L3MBTL4: variants seen among roughly 807,000 people sequenced by gnomAD.
The protein encoded by L3MBTL4 is lethal(3)malignant brain tumor-like protein 4.
Under a neutral mutation model 84.5 loss-of-function variants are expected in L3MBTL4, and 70 were observed. The ratio of observed to expected loss-of-function variants is 0.83; its 90% CI spans 0.68 to 1.01. The LOEUF (loss-of-function observed/expected upper bound fraction) is 1.01, where lower values mean the gene tolerates loss of function less well. L3MBTL4 is among the 50% of genes least tolerant of loss of function. The pLI is 0.00. For missense variants in L3MBTL4, 715 were observed against 754.8 expected (o/e 0.95, Z 0.62); for synonymous variants, 274 against 259.8 (o/e 1.05, Z -0.52).
chr18:6,347,135 A>C (rs947026026), intron 1 of L3MBTL4, among the ~76,000 whole-genome samples: 1 of 152,098 alleles, frequency 6.6e-6, no homozygotes, highest in Admixed American at 6.6e-5. Flanking sequence ...AATTTGCAGA[A>C]ACAGAGGGTG....
chr18:6,330,800 T>G (rs1292019550), intron 1 of L3MBTL4, among the ~76,000 whole-genome samples: 1 of 152,230 alleles, frequency 6.6e-6, no homozygotes, highest in Admixed American at 6.5e-5. Context: ...TTTCTTTCTA[T>G]GTAGCAGATC....
chr18:6,026,018 T>A (rs1940846129), intron 16 of L3MBTL4, among the ~76,000 whole-genome samples: 2 of 152,336 alleles, frequency 1.3e-5, no homozygotes, highest in South Asian at 4.1e-4. Flanking sequence ...TGGTCATACA[T>A]TATCACTTAA....
intron 1 of L3MBTL4, among the ~76,000 whole-genome samples, chr18:6,314,446 T>G (rs897166395): frequency 1.3e-5 from 2 of 152,220 alleles, no homozygotes; most frequent in African/African-American, 2.4e-5. Flanking sequence ...CCCGGTGTCC[T>G]CTGGCTTTGT....
intron 16 of L3MBTL4, among the ~76,000 whole-genome samples, chr18:6,051,287 C>T (rs1370415292): frequency 6.6e-6 from 1 of 152,180 alleles, no homozygotes; most frequent in African/African-American, 2.4e-5. Flanking sequence ...GCCTGTAATC[C>T]CAGCACTTTC....
At chr18:6,015,931 G>C (rs1165443158) in intron 16 of L3MBTL4, among the ~76,000 whole-genome samples, 4 of 152,196 alleles carry the variant, frequency 2.6e-5, no homozygotes, top group Non-Finnish European at 5.9e-5. Flanking sequence ...CTGCACTCCA[G>C]CCTGCATGGC....
intron 16 of L3MBTL4, among the ~76,000 whole-genome samples, chr18:6,008,555 A>G (rs1030910171): frequency 6.6e-6 from 1 of 152,150 alleles, no homozygotes; most frequent in African/African-American, 2.4e-5. Flanking sequence ...GGAAGGAGAA[A>G]GAGCTCTTAT....
intron 12 of L3MBTL4, among the ~76,000 whole-genome samples, chr18:6,185,509 C>A (rs534495365): frequency 6.6e-6 from 1 of 152,104 alleles, no homozygotes; most frequent in East Asian, 1.9e-4. Context: ...GAAGTCCCAC[C>A]GGAGGGTGGT....
At chr18:6,326,168 C>T (rs1312723885) in intron 1 of L3MBTL4, among the ~76,000 whole-genome samples, 1 of 152,200 alleles carries the variant, frequency 6.6e-6, no homozygotes, top group Non-Finnish European at 1.5e-5. Context: ...GCATTTCTAA[C>T]TCCACTGAAT....
intron 16 of L3MBTL4, chr18:6,031,260 A>G: frequency 3.0e-6 from 3 of 985,420 alleles, no homozygotes; most frequent in Non-Finnish European, 3.6e-6. Flanking sequence ...ATCTTCTGCT[A>G]ATAAGCACAG....
intron 14 of L3MBTL4, among the ~76,000 whole-genome samples, chr18:6,125,428 G>T (rs1478897646): frequency 6.6e-6 from 1 of 152,028 alleles, no homozygotes; most frequent in Non-Finnish European, 1.5e-5. Context: ...AATAATTTTT[G>T]TTTTGTTTTG....
intron 16 of L3MBTL4, among the ~76,000 whole-genome samples, chr18:6,077,570 T>A (rs1198604863): frequency 6.6e-6 from 1 of 151,998 alleles, no homozygotes; most frequent in Non-Finnish European, 1.5e-5. Context: ...TTAAAAGAAG[T>A]TTTCCAGTGA....
At chr18:6,111,262 T>C (rs2059188049) in intron 14 of L3MBTL4, among the ~76,000 whole-genome samples, 2 of 152,234 alleles carry the variant, frequency 1.3e-5, no homozygotes, top group African/African-American at 4.8e-5. Context: ...ATCGTGGTGA[T>C]GGTTGTACAA....
chr18:6,192,100 G>T (rs570778497), intron 12 of L3MBTL4, among the ~76,000 whole-genome samples: 61 of 152,284 alleles, frequency 4.0e-4, no homozygotes, highest in Non-Finnish European at 6.6e-4. Context: ...AGAAGGAGCT[G>T]CTGGTGAGGC....
chr18:6,203,302 G>C (rs556452925), intron 12 of L3MBTL4, among the ~76,000 whole-genome samples: 3 of 152,156 alleles, frequency 2.0e-5, no homozygotes, highest in Non-Finnish European at 2.9e-5. Flanking sequence ...TAGGATAGCC[G>C]ACTCCTCCCA....
intron 15 of L3MBTL4, among the ~76,000 whole-genome samples, chr18:6,090,423 T>A (rs1162627280): frequency 6.6e-6 from 1 of 151,984 alleles, no homozygotes; most frequent in Admixed American, 6.6e-5. Context: ...ACATGTTTTT[T>A]AAAAATAATC....
At chr18:6,038,733 T>C (rs2056266435) in intron 16 of L3MBTL4, among the ~76,000 whole-genome samples, 1 of 152,164 alleles carries the variant, frequency 6.6e-6, no homozygotes, top group Admixed American at 6.5e-5. Context: ...ACAAATATTA[T>C]TCAAGAGAAA....
intron 17 of L3MBTL4, among the ~76,000 whole-genome samples, chr18:5,963,109 TG>T (rs2052147044): frequency 6.6e-6 from 1 of 152,218 alleles, no homozygotes; most frequent in African/African-American, 2.4e-5. Context: ...ACCCATGTTT[TG>T]TCAGATGTCA....
chr18:6,293,375 C>T (rs1030093237), intron 4 of L3MBTL4, among the ~76,000 whole-genome samples: 9 of 151,668 alleles, frequency 5.9e-5, no homozygotes, highest in African/African-American at 1.9e-4. Context: ...TCGAAGTGCT[C>T]GAAGAATAAT....
At chr18:6,276,339 A>G (rs2049077623) in intron 4 of L3MBTL4, among the ~76,000 whole-genome samples, 4 of 152,182 alleles carry the variant, frequency 2.6e-5, no homozygotes, top group Admixed American at 2.6e-4. Context: ...ATTGATTGAG[A>G]CCTGTCTCCA....
Sources: gnomAD v4.1 joint callset for allele counts (sites outside exome capture counted in the v4.1 genomes callset) on GRCh38, gnomAD v4.1.1 for gene constraint, MANE v1.5 for transcripts, NCBI Gene and HGNC (gene_info 2026-07-23, HGNC 2026-07-21) for gene names.